KRR1: variants seen among roughly 807,000 people sequenced by gnomAD.
The protein encoded by KRR1 is KRR1 small subunit processome component, also known as KRR1 small subunit processome component homolog.
In KRR1, 23 loss-of-function variants were observed where a neutral mutation model predicts 50.0. That is an observed-to-expected ratio of 0.46 (90% CI 0.33 to 0.65). KRR1 has a LOEUF of 0.65. KRR1 is among the 30% of genes least tolerant of loss of function. KRR1 has a pLI of 0.02. For missense variants in KRR1, 419 were observed against 442.4 expected (o/e 0.95, Z 0.47); for synonymous variants, 133 against 146.3 (o/e 0.91, Z 0.66).
At chr12:75,500,501 T>C (rs1224992164) in intron 9 of KRR1, 1 of 150,998 alleles carries the variant, frequency 6.6e-6, no homozygotes, top group Non-Finnish European at 1.5e-5. Flanking sequence ...AATTAATTCA[T>C]TTAATGTTAG....
Position 75,494,911 on chromosome 12 carries a change from G to A in KRR1, c.*4898C>T, listed in dbSNP as rs963114286. On this transcript the variant is annotated 3_prime_UTR_variant, in exon 10 of 10. Transcript: ENST00000229214. The stretch of plus-strand genomic sequence containing the variant: ...ATAGACAACAGTAACTTCCTCATAG[G>A]GTTTTTGTGAAGATTATTTCATTCA... 1 of 152,124 alleles carries A rather than the reference G, an allele frequency of 6.6e-6. No homozygotes were observed. Among genetic ancestry groups the A allele is most frequent in the Non-Finnish European group, 1.5e-5 (1 of 68,022 alleles). The allele number at this position is 152,124 out of a possible 1,614,324, so 9.4% of individuals were successfully genotyped here. A position where few individuals can be genotyped will look rare whatever the true frequency, so the allele number is the denominator to read the frequency against.
intron 1 of KRR1, among the ~76,000 whole-genome samples, chr12:75,509,372 A>G (rs756613529): frequency 1.8e-4 from 28 of 152,166 alleles, no homozygotes; most frequent in Admixed American, 1.2e-3. Flanking sequence ...CATGCTCAAC[A>G]GGAGACTCTT....
chr12:75,506,689 G>C, intron 3 of KRR1, 80 bp from the exon 4 acceptor site: 2 of 1,533,934 alleles, frequency 1.3e-6, no homozygotes, highest in Non-Finnish European at 1.7e-6. Flanking sequence ...CCACGCTATT[G>C]TTACCTAAGC....
chr12:75,510,304 C>A (rs916820509), intron 1 of KRR1, among the ~76,000 whole-genome samples: 1 of 152,124 alleles, frequency 6.6e-6, no homozygotes, highest in Non-Finnish European at 1.5e-5. Flanking sequence ...AACCCTTGAA[C>A]ATGTTAACCA....
rs751368803 is a variant in KRR1, at chr12:75,508,346, A to G, written c.186T>C (p.Thr62=). ...RGLLEESSFA[T]LFPKYREAYL... is the part of the protein sequence containing the mutation. ...AAGCTTCCCTGTATTTTGGGAACAA[A>G]GTTGCGAAACTGCTCTCCTCCAAAA... The change falls in exon 2 of 10, where the codon ACT becomes ACC. Residue 62 remains threonine, a synonymous_variant. Coordinates refer to ENST00000229214, the MANE Select transcript of KRR1 (RefSeq NM_007043.7). 6.2e-7 allele frequency: 1 copy of G among 1,613,712 alleles called. No homozygotes were observed. The highest frequency in any genetic ancestry group is 1.7e-5 in the Admixed American group (1 of 59,960).
Position 75,499,567 on chromosome 12 carries a change from A to T in KRR1, c.*242T>A, listed in dbSNP as rs1210302993. The T allele has an allele frequency of 1.2e-5, 3 of 242,370 alleles. No homozygotes were observed. Among genetic ancestry groups the T allele is most frequent in the African/African-American group, 2.3e-5 (1 of 44,256 alleles). 15.0% of individuals were successfully genotyped at this position (242,370 alleles called of 1,614,324 possible). A position where few individuals can be genotyped will look rare whatever the true frequency, so the allele number is the denominator to read the frequency against. ...ACTAACCAATAGCATCAGACACTGG[A>T]TTTAATGGATAATCACAATGGTCGT... On this transcript the variant is annotated 3_prime_UTR_variant, in exon 10 of 10. Transcript: ENST00000229214.
chr12:75,494,087 G>C lies in KRR1; in HGVS notation c.*5722C>G, dbSNP rs1455363684. 3 of 152,124 alleles carry C rather than the reference G, an allele frequency of 2.0e-5. No individual in the cohort carries two copies. The East Asian group carries it at 5.8e-4, about 29-fold the overall frequency. 9.4% of individuals were successfully genotyped at this position (152,124 alleles called of 1,614,324 possible). ...TATATTACCTTTTTTCCATGGTGTA[G>C]AGTAAGCAGAGGGCTAATTAAATTT... On this transcript the variant is annotated 3_prime_UTR_variant, in exon 10 of 10. Coordinates refer to ENST00000229214, the MANE Select transcript of KRR1 (RefSeq NM_007043.7).
chr12:75,509,834 C>A (rs999966147), intron 1 of KRR1, among the ~76,000 whole-genome samples: 1 of 151,760 alleles, frequency 6.6e-6, no homozygotes, highest in Non-Finnish European at 1.5e-5. Flanking sequence ...AGCAATCCCC[C>A]CTCCTCAGCT....
At chr12:75,506,953 A>T (rs1372635315) in intron 2 of KRR1, 37 bp from the exon 3 acceptor site, 3 of 1,548,852 alleles carry the variant, frequency 1.9e-6, no homozygotes, top group Non-Finnish European at 8.7e-7. Flanking sequence ...GTTGTCTAAA[A>T]ATGAGTTTTT....
chr12:75,501,877 T>G (rs898908027), intron 8 of KRR1, 46 bp downstream of exon 8: 1 of 1,585,634 alleles, frequency 6.3e-7, no homozygotes, highest in South Asian at 1.1e-5. Flanking sequence ...AATTCAAGTA[T>G]CTATGAACTT....
chr12:75,499,672 ACT>A lies in KRR1; in HGVS notation c.*135_*136del, dbSNP rs1318928632. Reference sequence around the variant, plus strand: ...AATAATAATATAATTTATAAAGAACACTCTTCTATGAACAACCACCACCACCA... The same window carrying A: ...AATAATAATATAATTTATAAAGAACACTTCTATGAACAACCACCACCACCA... On this transcript the variant is annotated 3_prime_UTR_variant, in exon 10 of 10. Transcript: ENST00000229214. The A allele has an allele frequency of 2.1e-6, 1 of 469,348 alleles. No individual in the cohort carries two copies. The highest frequency in any genetic ancestry group is 3.6e-6 in the Non-Finnish European group (1 of 277,450). The allele number at this position is 469,348 out of a possible 1,614,324, so 29.1% of individuals were successfully genotyped here. A position where few individuals can be genotyped will look rare whatever the true frequency, so the allele number is the denominator to read the frequency against.
At chr12:75,504,215 G>A in intron 6 of KRR1, 141 bp from the exon 7 acceptor site, 2 of 488,412 alleles carry the variant, frequency 4.1e-6, no homozygotes, top group Non-Finnish European at 7.0e-6. Flanking sequence ...AATTACATAA[G>A]CAAAAAGGTA....
rs200527675 is a variant in KRR1, at chr12:75,498,967, C to A, written c.*842G>T. The A allele has an allele frequency of 4.0e-4, 632 of 1,589,996 alleles. 1 individual carries two copies. Among genetic ancestry groups the A allele is most frequent in the Non-Finnish European group, 3.6e-4 (425 of 1,170,918 alleles). ...ACAGCACAAGTACCCTAATTTAGTT[C>A]TTTTGGACTAATACAATTCAGGAAA... On this transcript the variant is annotated 3_prime_UTR_variant, in exon 10 of 10. Transcript: ENST00000229214.
intron 1 of KRR1, among the ~76,000 whole-genome samples, chr12:75,510,722 C>A (rs1025312891): frequency 1.3e-5 from 2 of 152,166 alleles, no homozygotes; most frequent in African/African-American, 4.8e-5. Context: ...AGTCTGAATG[C>A]TAGTTTCCCG....
chr12:75,503,848 A>C, intron 7 of KRR1, 56 bp downstream of exon 7: 1 of 1,473,910 alleles, frequency 6.8e-7, no homozygotes, highest in Non-Finnish European at 9.2e-7. Flanking sequence ...AAAGTTTCTG[A>C]CCAAATACAT....
chr12:75,499,136 T>G lies in KRR1; in HGVS notation c.*673A>C, dbSNP rs937512434. On this transcript the variant is annotated 3_prime_UTR_variant, in exon 10 of 10. Transcript: ENST00000229214. ...CTCAAAAGAAGAAATTTCCTAACTC[T>G]ATCAGATAAACTCATCTTTAGTATA... 4.2e-6 allele frequency: 2 copies of G among 480,148 alleles called. No individual in the cohort carries two copies. Among genetic ancestry groups the G allele is most frequent in the Non-Finnish European group, 7.2e-6 (2 of 277,630 alleles). The allele number at this position is 480,148 out of a possible 1,614,324, so 29.7% of individuals were successfully genotyped here. A position where few individuals can be genotyped will look rare whatever the true frequency, so the allele number is the denominator to read the frequency against.
Position 75,499,648 on chromosome 12 carries a change from A to ATAAT in KRR1, c.*157_*160dup, listed in dbSNP as rs2046376817. 2.6e-6 allele frequency: 1 copy of ATAAT among 387,026 alleles called. No homozygotes were observed. The highest frequency in any genetic ancestry group is 4.5e-5 in the East Asian group (1 of 22,074). 24.0% of individuals were successfully genotyped at this position (387,026 alleles called of 1,614,324 possible). On this transcript the variant is annotated 3_prime_UTR_variant, in exon 10 of 10. Transcript: ENST00000229214. Reference sequence around the variant, plus strand: ...TCGTATAAATTTTTCAAAAAATACAATAATAATATAATTTATAAAGAACAC... The same window carrying ATAAT: ...TCGTATAAATTTTTCAAAAAATACAATAATTAATAATATAATTTATAAAGAACAC...
Position 75,499,043 on chromosome 12 carries a change from A to C in KRR1, c.*766T>G. ...TCACATATGGCTTTTTTTTTAACCA[A>C]TAACAATTAGGTGTACTTCTATTTT... On this transcript the variant is annotated 3_prime_UTR_variant, in exon 10 of 10. Coordinates refer to ENST00000229214, the MANE Select transcript of KRR1 (RefSeq NM_007043.7). The C allele has an allele frequency of 9.5e-7, 1 of 1,047,148 alleles. No individual in the cohort carries two copies. Among genetic ancestry groups the C allele is most frequent in the African/African-American group, 1.6e-5 (1 of 61,768 alleles). 64.9% of individuals were successfully genotyped at this position (1,047,148 alleles called of 1,614,324 possible).
chr12:75,499,999 AGTAAAACAAAGAATATAT>A, intron 9 of KRR1, 48 bp from the exon 10 acceptor site: 1 of 1,412,904 alleles, frequency 7.1e-7, no homozygotes, highest in Non-Finnish European at 9.6e-7. Context: ...GATTTTACCA[AGTAAAACAAAGAATATAT>A]GTTTAACAAA....
Sources: allele counts gnomAD v4.1 joint callset (sites outside exome capture counted in the v4.1 genomes callset), GRCh38; gene constraint gnomAD v4.1.1; transcripts MANE v1.5; gene names NCBI Gene and HGNC (gene_info 2026-07-23, HGNC 2026-07-21).